ROS1: variants seen among roughly 807,000 people sequenced by gnomAD.
The protein encoded by ROS1 is ROS proto-oncogene 1, receptor tyrosine kinase.
In ROS1, 263 loss-of-function variants were observed where a neutral mutation model predicts 273.5. That is an observed-to-expected ratio of 0.96 (90% CI 0.87 to 1.06). ROS1 has a LOEUF of 1.06. ROS1 is among the 50% of genes least tolerant of loss of function. ROS1 has a pLI of 0.00. For synonymous variants in ROS1, 1,008 were observed against 954.1 expected (o/e 1.06, Z -1.04); for missense variants, 2,833 against 2,751.1 (o/e 1.03, Z -0.67).
chr6:117,330,003 CT>C lies in ROS1; in HGVS notation c.5231-558del, dbSNP rs201323733. On this transcript the variant is annotated intron_variant, in intron 32 of 43. Coordinates refer to ENST00000368507, the MANE Select transcript of ROS1 (RefSeq NM_001378902.1). ...GCTTCTGCTGCCTGCTGTCTAAGCC[CT>C]TTGAGCTCCTTGAGGGAGGGGCAGC... Among the ~76,000 whole-genome samples the C allele has an allele frequency of 5.0e-3, 768 of 152,282 alleles. 4 individuals are homozygous for C. The highest frequency in any genetic ancestry group is 0.017 in the African/African-American group (721 of 41,560).
Position 117,392,723 on chromosome 6 carries a change from C to A in ROS1, c.1289+501G>T, listed in dbSNP as rs147453750. ...GTCCATTTCATTTGGGGGTAGGAGG[C>A]AGAGTTATCAATCAGCTCCTGTCTC... On this transcript the variant is annotated intron_variant, in intron 12 of 43. Transcript: ENST00000368507. Among the ~76,000 whole-genome samples the A allele has an allele frequency of 3.6e-4, 55 of 152,236 alleles. 1 individual carries two copies. The East Asian group carries it at 9.5e-3, about 26-fold the overall frequency.
rs1367961437 is a variant in ROS1, at chr6:117,419,837, G to A, written c.124-1331C>T. ...TAGTGAGTCCTGATGGCTCTTCTCA[G>A]GAGTAAATTTAACGGGCTGAGTGAA... On this transcript the variant is annotated intron_variant, in intron 1 of 43. Transcript: ENST00000368507. 3.3e-5 allele frequency among the ~76,000 whole-genome samples: 5 copies of A among 152,084 alleles called. No homozygotes were observed. The East Asian group carries it at 9.6e-4, about 29-fold the overall frequency.
At position 117,310,300 on chromosome 6, in the gene ROS1, T is replaced by TTAATAATAA. The variant is rs2243387; in HGVS notation, c.6216-28_6216-20dup. ...CAGATCCCTGTGGCAGAAGTTATAT[T>TTAATAATAA]TAATAATAATAATAATAACAACAAT... On this transcript the variant is annotated intron_variant, in intron 40 of 43. Coordinates refer to ENST00000368507, the MANE Select transcript of ROS1 (RefSeq NM_001378902.1). The TTAATAATAA allele has an allele frequency of 7.0e-7, 1 of 1,430,246 alleles. No homozygotes were observed. The highest frequency in any genetic ancestry group is 2.0e-5 in the Admixed American group (1 of 49,932). The allele number at this position is 1,430,246 out of a possible 1,614,324, so 88.6% of individuals were successfully genotyped here. A position where few individuals can be genotyped will look rare whatever the true frequency, so the allele number is the denominator to read the frequency against.
intron 5 of ROS1, among the ~76,000 whole-genome samples, chr6:117,409,248 A>C (rs1774696202): frequency 1.9e-5 from 2 of 105,828 alleles, no homozygotes; most frequent in Admixed American, 1.6e-4. Context: ...GAGAGAAAAA[A>C]AACTGGCATT....
At chr6:117,397,161 CATG>C (rs757851915) in intron 7 of ROS1, 45 bp from the exon 8 acceptor site, 1 of 1,239,854 alleles carries the variant, frequency 8.1e-7, no homozygotes, top group Non-Finnish European at 1.1e-6. Flanking sequence ...AATGTGCAAG[CATG>C]ATGTTTTTAA....
chr6:117,394,005 G>C (rs1773285650), intron 11 of ROS1, among the ~76,000 whole-genome samples, 157 bp downstream of exon 11: 1 of 152,082 alleles, frequency 6.6e-6, no homozygotes, highest in Admixed American at 6.6e-5. Flanking sequence ...CCCTCCTATA[G>C]GCCAGATCTA....
rs2128617130 is a variant in ROS1 at position 117,337,277 on chromosome 6, T to C, written c.5125A>G (p.Asn1709Asp). 6 of 1,612,654 alleles carry C rather than the reference T, an allele frequency of 3.7e-6. No homozygotes were observed. The highest frequency in any genetic ancestry group is 5.1e-6 in the Non-Finnish European group (6 of 1,179,050). The change falls in exon 32 of 44, where the codon AAT (asparagine) becomes GAT (aspartate). Residue 1709 changes from asparagine to aspartate, a missense_variant. By Grantham distance (23) the Asn-to-Asp change is conservative. Transcript: ENST00000368507. ...SCSQGPAYVC[N>D]ITNLQPYTSY... ...GTATAAGGTTGTAGATTTGTGATATTACAGACATAAGCAGGACCTTGGCTG... is the reference window on the plus strand; with the variant it reads ...GTATAAGGTTGTAGATTTGTGATATCACAGACATAAGCAGGACCTTGGCTG...
intron 5 of ROS1, among the ~76,000 whole-genome samples, chr6:117,404,893 A>G (rs1404117940): frequency 6.6e-6 from 1 of 152,200 alleles, no homozygotes; most frequent in Admixed American, 6.5e-5. Context: ...TTTTATATGT[A>G]CAGAGCAATT....
At chr6:117,381,439 G>A (rs983432803) in intron 17 of ROS1, among the ~76,000 whole-genome samples, 2 of 151,858 alleles carry the variant, frequency 1.3e-5, no homozygotes, top group African/African-American at 4.8e-5. Flanking sequence ...TACTCTGTAT[G>A]CTTTTGCATA....
At chr6:117,407,393 G>A (rs900272694) in intron 5 of ROS1, among the ~76,000 whole-genome samples, 1 of 152,134 alleles carries the variant, frequency 6.6e-6, no homozygotes, top group Non-Finnish European at 1.5e-5. Flanking sequence ...AACACACTAA[G>A]GCAAAGCTAC....
At chr6:117,392,911 A>G (rs1156858592) in intron 12 of ROS1, among the ~76,000 whole-genome samples, 3 of 152,198 alleles carry the variant, frequency 2.0e-5, no homozygotes, top group Admixed American at 6.5e-5. Flanking sequence ...ACTCAATCCC[A>G]TGATAAAGAA....
intron 3 of ROS1, 135 bp downstream of exon 3, chr6:117,416,123 T>C (rs1240932721): frequency 3.1e-6 from 2 of 638,628 alleles, no homozygotes; most frequent in Admixed American, 2.7e-5. Flanking sequence ...ATTGGTTTTT[T>C]AGTTTTGTTT....
At chr6:117,332,107 A>G (rs1412927149) in intron 32 of ROS1, among the ~76,000 whole-genome samples, 4 of 152,058 alleles carry the variant, frequency 2.6e-5, no homozygotes, top group African/African-American at 7.2e-5. Flanking sequence ...CTTACATGCA[A>G]AGACACACAC....
At chr6:117,294,889 A>C (rs2128527728) in intron 43 of ROS1, among the ~76,000 whole-genome samples, 1 of 152,282 alleles carries the variant, frequency 6.6e-6, no homozygotes, top group Middle Eastern at 3.4e-3. Context: ...TACTGCCCAA[A>C]GTTGTCTACA....
Position 117,365,056 on chromosome 6 carries a change from G to T in ROS1, c.3103+4C>A, listed in dbSNP as rs1780100527. ...AGAAAAAAGACAGATTTTAACCCCT[G>T]TACCTGTTTCAGGTGCTCGAAGTGA... On this transcript the variant is annotated splice_donor_region_variant and intron_variant, in intron 21 of 43. Transcript: ENST00000368507. 1.9e-6 allele frequency: 3 copies of T among 1,613,302 alleles called. No homozygotes were observed. The South Asian group carries it at 3.3e-5, about 18-fold the overall frequency.
intron 4 of ROS1, among the ~76,000 whole-genome samples, chr6:117,413,824 A>C (rs1775120107): frequency 6.6e-6 from 1 of 152,162 alleles, no homozygotes; most frequent in Non-Finnish European, 1.5e-5. Context: ...TCTACTAAAA[A>C]TACAAAGTTA....
At chr6:117,386,088 A>G (rs1156457458) in intron 15 of ROS1, among the ~76,000 whole-genome samples, 1 of 152,246 alleles carries the variant, frequency 6.6e-6, no homozygotes, top group Admixed American at 6.5e-5. Flanking sequence ...TTTGCCAAAC[A>G]TTGTCCCAGG....
intron 23 of ROS1, 95 bp from the exon 24 acceptor site, chr6:117,360,106 G>C: frequency 1.0e-6 from 1 of 990,064 alleles, no homozygotes; most frequent in South Asian, 1.6e-5. Context: ...TGAAGTCCAT[G>C]GGCTCCCTTT....
chr6:117,330,003 C>CA (rs1015004990), intron 32 of ROS1, among the ~76,000 whole-genome samples: 3 of 152,166 alleles, frequency 2.0e-5, no homozygotes, highest in Middle Eastern at 3.2e-3. Flanking sequence ...TGTCTAAGCC[C>CA]TTTGAGCTCC....
Sources: allele counts gnomAD v4.1 joint callset (sites outside exome capture counted in the v4.1 genomes callset), GRCh38; gene constraint gnomAD v4.1.1; transcripts MANE v1.5; gene names NCBI Gene and HGNC (gene_info 2026-07-23, HGNC 2026-07-21).